PLEKHA2: variants seen among roughly 807,000 people sequenced by gnomAD.
The protein encoded by PLEKHA2 is pleckstrin homology domain-containing family A member 2.
A neutral mutation model predicts 53.2 loss-of-function variants in PLEKHA2; 28 were observed. The ratio of observed to expected loss-of-function variants is 0.53; its 90% CI spans 0.39 to 0.72. The LOEUF is 0.72. Ranked by LOEUF, PLEKHA2 falls within the 30% of genes least tolerant of loss-of-function variation. PLEKHA2 has a pLI of 0.00. For synonymous variants in PLEKHA2, 193 were observed against 196.4 expected (o/e 0.98, Z 0.14); for missense variants, 426 against 537.9 (o/e 0.79, Z 2.06).
chr8:38,957,449 C>CGTG, intron 10 of PLEKHA2, 63 bp downstream of exon 10: 1 of 1,366,776 alleles, frequency 7.3e-7, no homozygotes, highest in South Asian at 1.2e-5. Context: ...CCTCACAGGC[C>CGTG]GTGTCCTTTC....
At chr8:38,911,279 C>T (rs1278380258) in intron 1 of PLEKHA2, among the ~76,000 whole-genome samples, 7 of 152,022 alleles carry the variant, frequency 4.6e-5, no homozygotes, top group Non-Finnish European at 7.4e-5. Flanking sequence ...CTCTGTCACC[C>T]AGGCTGGGGT....
intron 2 of PLEKHA2, among the ~76,000 whole-genome samples, chr8:38,920,365 A>G (rs562077548): frequency 5.7e-4 from 86 of 152,094 alleles, no homozygotes; most frequent in Non-Finnish European, 9.9e-4. Flanking sequence ...TGTGTTAGCC[A>G]GGATGGTCTC....
At chr8:38,953,453 C>A in intron 9 of PLEKHA2, 86 bp downstream of exon 9, 2 of 1,251,196 alleles carry the variant, frequency 1.6e-6, no homozygotes, top group Non-Finnish European at 2.3e-6. Context: ...AGACTCTATG[C>A]AAGAGTCATC....
At chr8:38,918,565 A>G (rs1220332995) in intron 2 of PLEKHA2, among the ~76,000 whole-genome samples, 2 of 71,046 alleles carry the variant, frequency 2.8e-5, no homozygotes, top group South Asian at 5.0e-4. Flanking sequence ...CACACATTAT[A>G]CACACACATG....
In PLEKHA2 at chr8:38,972,015, C is replaced by T. The variant is rs553365476; in HGVS notation, c.*2232C>T. 3 of 152,192 alleles carry T rather than the reference C, an allele frequency of 2.0e-5. No individual in the cohort carries two copies. In the South Asian group the frequency reaches 6.2e-4, roughly 32 times the overall value. The allele number at this position is 152,192 out of a possible 1,614,324, so 9.4% of individuals were successfully genotyped here. ...GCCATTATAATAAGCTGATTTGTTTCTTATTCAGCAAGATCTCTTTTGAGA... is the reference window on the plus strand; with the variant it reads ...GCCATTATAATAAGCTGATTTGTTTTTTATTCAGCAAGATCTCTTTTGAGA... On this transcript the variant is annotated 3_prime_UTR_variant, in exon 12 of 12. Coordinates refer to ENST00000617275, the MANE Select transcript of PLEKHA2 (RefSeq NM_021623.2).
At chr8:38,920,390 C>A (rs1487676187) in intron 2 of PLEKHA2, among the ~76,000 whole-genome samples, 1 of 151,930 alleles carries the variant, frequency 6.6e-6, no homozygotes, top group Admixed American at 6.6e-5. Flanking sequence ...TCCTGACCTC[C>A]TTATCTGCCC....
chr8:38,943,216 C>A (rs1289607142), intron 3 of PLEKHA2, among the ~76,000 whole-genome samples: 1 of 152,078 alleles, frequency 6.6e-6, no homozygotes, highest in Admixed American at 6.6e-5. Flanking sequence ...TGCAGTGGCT[C>A]ATACTTGTAA....
intron 1 of PLEKHA2, among the ~76,000 whole-genome samples, chr8:38,909,594 C>G (rs1588232782): frequency 6.6e-6 from 1 of 152,116 alleles, no homozygotes; most frequent in African/African-American, 2.4e-5. Context: ...TTTTTCTTGG[C>G]TTGAATCTCC....
chr8:38,936,696 T>C (rs1326181701), intron 3 of PLEKHA2, among the ~76,000 whole-genome samples: 1 of 152,220 alleles, frequency 6.6e-6, no homozygotes, highest in Non-Finnish European at 1.5e-5. Context: ...TGGTTAACGG[T>C]GCCCACATGT....
In PLEKHA2 at chr8:38,952,266, G is replaced by C; in HGVS notation, c.587G>C (p.Gly196Ala). ...IPTSGCRAST[G>A]PPLIKSGYCV... ...ACGTCAGGCTGCCGTGCTTCCACTG[G>C]GCCTCCCCTCATTAAGAGTGGTTAC... Residue 196 changes from glycine to alanine, a missense_variant, in exon 7 of 12, where the codon GGG (glycine) becomes GCG (alanine). Transcript: ENST00000617275. The C allele has an allele frequency of 6.2e-7, 1 of 1,612,808 alleles. No individual in the cohort carries two copies. Among genetic ancestry groups the C allele is most frequent in the Non-Finnish European group, 8.5e-7 (1 of 1,179,522 alleles).
At chr8:38,963,376 A>G (rs1835074196) in intron 10 of PLEKHA2, among the ~76,000 whole-genome samples, 1 of 152,166 alleles carries the variant, frequency 6.6e-6, no homozygotes, top group Admixed American at 6.5e-5. Flanking sequence ...GTAATTCATC[A>G]TGGGTGGGTA....
intron 10 of PLEKHA2, among the ~76,000 whole-genome samples, chr8:38,966,823 A>T (rs922929481): frequency 2.6e-5 from 4 of 152,116 alleles, no homozygotes; most frequent in African/African-American, 9.7e-5. Context: ...TTTAAGGGGT[A>T]CAAGTGCGGT....
intron 9 of PLEKHA2, among the ~76,000 whole-genome samples, chr8:38,956,369 G>T (rs1486628224): frequency 6.6e-6 from 1 of 152,138 alleles, no homozygotes; most frequent in African/African-American, 2.4e-5. Context: ...TTAGCTCTTT[G>T]TCTCCTGGGC....
intron 1 of PLEKHA2, among the ~76,000 whole-genome samples, chr8:38,904,849 G>A (rs1475736187): frequency 2.0e-5 from 3 of 152,198 alleles, no homozygotes; most frequent in Non-Finnish European, 4.4e-5. Flanking sequence ...TGATGACCAT[G>A]TACTCCTTGT....
intron 10 of PLEKHA2, among the ~76,000 whole-genome samples, chr8:38,960,515 C>A (rs2129423898): frequency 6.6e-6 from 1 of 152,078 alleles, no homozygotes; most frequent in African/African-American, 2.4e-5. Flanking sequence ...ATCATAAACT[C>A]ATTATAAGTT....
At chr8:38,938,348 A>T (rs959955390) in intron 3 of PLEKHA2, among the ~76,000 whole-genome samples, 13 of 152,112 alleles carry the variant, frequency 8.5e-5, no homozygotes, top group African/African-American at 3.1e-4. Context: ...CCCCCATCCC[A>T]TGTAGGTGGC....
chr8:38,954,426 A>T (rs1314654732), intron 9 of PLEKHA2, among the ~76,000 whole-genome samples: 2 of 152,184 alleles, frequency 1.3e-5, no homozygotes, highest in Admixed American at 1.3e-4. Context: ...TTGACCCTGG[A>T]GGGCCCTTGC....
intron 1 of PLEKHA2, among the ~76,000 whole-genome samples, chr8:38,912,714 A>G (rs1404129911): frequency 3.9e-5 from 6 of 152,252 alleles, no homozygotes; most frequent in Admixed American, 1.3e-4. Flanking sequence ...AGAATGAACC[A>G]TCAGAGGATT....
At chr8:38,950,625 C>A (rs976943990) in intron 5 of PLEKHA2, 4 of 418,034 alleles carry the variant, frequency 9.6e-6, no homozygotes, top group South Asian at 1.3e-4. Flanking sequence ...CATAAGTAGG[C>A]GCTCAAGAAA....
Sources: allele counts gnomAD v4.1 joint callset (sites outside exome capture counted in the v4.1 genomes callset), GRCh38; gene constraint gnomAD v4.1.1; transcripts MANE v1.5; gene names NCBI Gene and HGNC (gene_info 2026-07-23, HGNC 2026-07-21).